Variants in ALMS1 observed in about 807,000 individuals in gnomAD.
ALMS1 encodes the protein centrosome-associated protein ALMS1.
In ALMS1, 271 loss-of-function variants were observed where a neutral mutation model predicts 352.2. The ratio of observed to expected loss-of-function variants is 0.77; its 90% CI spans 0.70 to 0.85. The LOEUF (loss-of-function observed/expected upper bound fraction) is 0.85, where lower values mean the gene tolerates loss of function less well. Ranked by LOEUF, ALMS1 falls within the 40% of genes least tolerant of loss-of-function variation. ALMS1 has a pLI of 0.00. For missense variants in ALMS1, 5,445 were observed against 4,870.7 expected (o/e 1.12, Z -3.51); for synonymous variants, 1,865 against 1,761.2 (o/e 1.06, Z -1.48).
intron 1 of ALMS1, among the ~76,000 whole-genome samples, chr2:73,388,503 C>T (rs1300921367): frequency 6.6e-6 from 1 of 152,074 alleles, no homozygotes; most frequent in Non-Finnish European, 1.5e-5. Context: ...ACTTATTGTA[C>T]CCATTTATCT....
At chr2:73,437,441 C>T (rs1343700623) in intron 7 of ALMS1, among the ~76,000 whole-genome samples, 1 of 152,184 alleles carries the variant, frequency 6.6e-6, no homozygotes, top group Non-Finnish European at 1.5e-5. Flanking sequence ...AAATCTTCCA[C>T]TCTATAAGTG....
At position 73,579,080 on chromosome 2, in the gene ALMS1, T is replaced by A. The variant is rs560630631; in HGVS notation, c.11547+5656T>A. Among the ~76,000 whole-genome samples, 56 of 145,426 alleles carry A rather than the reference T, an allele frequency of 3.9e-4. No individual in the cohort carries two copies. In the East Asian group the frequency reaches 8.9e-3, roughly 23 times the overall value. On this transcript the variant is annotated intron_variant, in intron 16 of 22. Transcript: ENST00000613296. ...CCTTTATTCTTTTTTTATTTATTTT[T>A]TTTTTTGAGACGGAGTCGTCCTGGG...
chr2:73,561,027 G>A (rs1674650672), intron 15 of ALMS1, among the ~76,000 whole-genome samples: 1 of 152,214 alleles, frequency 6.6e-6, no homozygotes, highest in African/African-American at 2.4e-5. Flanking sequence ...AGCTTACAGT[G>A]GCGTGAAAGC....
chr2:73,438,700 C>T (rs1418391641), intron 7 of ALMS1, among the ~76,000 whole-genome samples: 2 of 152,146 alleles, frequency 1.3e-5, no homozygotes, highest in Non-Finnish European at 2.9e-5. Flanking sequence ...GATGGTACCT[C>T]ATGGAATACA....
At chr2:73,605,503 A>G (rs1675796646) in intron 21 of ALMS1, among the ~76,000 whole-genome samples, 1 of 152,222 alleles carries the variant, frequency 6.6e-6, no homozygotes. Flanking sequence ...ACAGAATAGG[A>G]AAAGTTTATG....
chr2:73,601,341 C>G lies in ALMS1; in HGVS notation c.12019C>G (p.Gln4007Glu). 6.2e-7 allele frequency: 1 copy of G among 1,614,208 alleles called. No individual in the cohort carries two copies. The highest frequency in any genetic ancestry group is 1.1e-5 in the South Asian group (1 of 91,082). Residue 4007 changes from glutamine to glutamate, a missense_variant, in exon 19 of 23, where the codon CAG becomes GAG. Physicochemically the swap from Gln to Glu is conservative, Grantham distance 29 (BLOSUM62 2). Coordinates refer to ENST00000613296, the MANE Select transcript of ALMS1 (RefSeq NM_001378454.1). ...WREPLREQNC[Q>E]GQHLDGRGYL... ...GGAGCCACTGCGGGAGCAGAACTGT[C>G]AGGGGCAGCACCTGGACGGTCGGGG... is the stretch of plus-strand genomic sequence containing the variant.
chr2:73,562,744 G>A (rs1040818956), intron 15 of ALMS1, among the ~76,000 whole-genome samples: 22 of 151,792 alleles, frequency 1.4e-4, no homozygotes, highest in African/African-American at 5.1e-4. Context: ...AAAATTAGCC[G>A]GGCATGGTGG....
intron 13 of ALMS1, among the ~76,000 whole-genome samples, chr2:73,551,307 C>T (rs1169297775): frequency 6.6e-6 from 1 of 152,122 alleles, no homozygotes; most frequent in Non-Finnish European, 1.5e-5. Context: ...TGGCTGTCCC[C>T]CTGCAGGCAG....
intron 7 of ALMS1, among the ~76,000 whole-genome samples, chr2:73,442,084 G>C (rs1285500100): frequency 6.6e-6 from 1 of 151,972 alleles, no homozygotes; most frequent in African/African-American, 2.4e-5. Flanking sequence ...TTTATTGCTT[G>C]TTCACATTGC....
At chr2:73,592,777 A>G (rs533808992) in intron 16 of ALMS1, among the ~76,000 whole-genome samples, 2 of 152,306 alleles carry the variant, frequency 1.3e-5, no homozygotes, top group East Asian at 3.9e-4. Flanking sequence ...GGTCTGTCTC[A>G]TGTCTTTAAT....
intron 9 of ALMS1, among the ~76,000 whole-genome samples, chr2:73,485,355 C>G (rs1672810382): frequency 6.6e-6 from 1 of 152,208 alleles, no homozygotes; most frequent in Non-Finnish European, 1.5e-5. Flanking sequence ...CAGTGTGCCC[C>G]TGCTGGGAGG....
chr2:73,492,861 CTGA>C (rs1199166423), intron 10 of ALMS1, among the ~76,000 whole-genome samples: 2 of 152,002 alleles, frequency 1.3e-5, no homozygotes, highest in Non-Finnish European at 2.9e-5. Flanking sequence ...CCTCAGCCAC[CTGA>C]ATAGCTGGGA....
At chr2:73,390,001 A>C (rs1670610195) in intron 1 of ALMS1, among the ~76,000 whole-genome samples, 1 of 152,130 alleles carries the variant, frequency 6.6e-6, no homozygotes, top group African/African-American at 2.4e-5. Flanking sequence ...ATCGTGAACT[A>C]TCTATGGGTA....
intron 16 of ALMS1, 96 bp from the exon 17 acceptor site, chr2:73,599,305 T>C (rs539453330): frequency 1.3e-5 from 20 of 1,493,830 alleles, no homozygotes; most frequent in South Asian, 3.4e-5. Context: ...ACAGTTTGAA[T>C]TGGATTAGAA....
intron 1 of ALMS1, among the ~76,000 whole-genome samples, chr2:73,391,628 T>G (rs561443848): frequency 6.6e-6 from 1 of 152,314 alleles, no homozygotes; most frequent in South Asian, 2.1e-4. Context: ...AATCCTGTTT[T>G]GTGTTCCTAG....
intron 1 of ALMS1, among the ~76,000 whole-genome samples, chr2:73,400,779 GTCCTCTCTTTCTTTT>G (rs1670857882): frequency 6.6e-6 from 1 of 151,912 alleles, no homozygotes; most frequent in East Asian, 1.9e-4. Context: ...CTGTTGTGAT[GTCCTCTCTTTCTTTT>G]TTCTTTTTTT....
intron 13 of ALMS1, among the ~76,000 whole-genome samples, chr2:73,556,645 G>GTT (rs1411860021): frequency 2.0e-4 from 28 of 136,658 alleles, no homozygotes; most frequent in Non-Finnish European, 2.9e-4. Context: ...TTTTTTTTTT[G>GTT]TTTTTTTTTT....
intron 9 of ALMS1, among the ~76,000 whole-genome samples, chr2:73,459,841 A>C (rs1338207662): frequency 6.6e-6 from 1 of 152,140 alleles, no homozygotes; most frequent in African/African-American, 2.4e-5. Context: ...GTAGAAACTA[A>C]GATCTGTATG....
chr2:73,544,706 A>G (rs779302376), intron 12 of ALMS1, among the ~76,000 whole-genome samples: 2 of 152,192 alleles, frequency 1.3e-5, no homozygotes, highest in African/African-American at 2.4e-5. Context: ...ACTTTTAAAT[A>G]TATACCCCAA....
Sources: allele counts gnomAD v4.1 joint callset (sites outside exome capture counted in the v4.1 genomes callset), GRCh38; gene constraint gnomAD v4.1.1; transcripts MANE v1.5; gene names NCBI Gene and HGNC (gene_info 2026-07-23, HGNC 2026-07-21).